Variants in FRYL observed in about 807,000 individuals in gnomAD.
The protein encoded by FRYL is protein furry homolog-like.
In FRYL, 150 loss-of-function variants were observed where a neutral mutation model predicts 351.2. The ratio of observed to expected loss-of-function variants is 0.43; its 90% CI spans 0.37 to 0.49. The LOEUF is 0.49. Ranked by LOEUF, FRYL falls within the 20% of genes least tolerant of loss-of-function variation. The pLI is 0.00. For missense variants in FRYL, 3,036 were observed against 3,619.3 expected, an observed-to-expected ratio of 0.84 and a Z score of 4.13; for synonymous variants, 1,153 against 1,257.1, an observed-to-expected ratio of 0.92 and a Z score of 1.75.
chr4:48,557,100 A>G lies in FRYL; in HGVS notation c.4144T>C (p.Trp1382Arg). 2 of 1,596,698 alleles carry G rather than the reference A, an allele frequency of 1.3e-6. No homozygotes were observed. Among genetic ancestry groups the G allele is most frequent in the Non-Finnish European group, 1.7e-6 (2 of 1,170,378 alleles). ...GTCCACACATTCTCCACCTCCGACC[A>G]GGCCAGTTCATCGCCATACTAGATG... ...MTAKYGDELA[W>R]SEVENVWTTL... Residue 1382 changes from tryptophan (W) to arginine (R), a missense_variant, in exon 35 of 64, where the codon TGG (tryptophan) becomes CGG (arginine). This residue lies in a region of FRYL where 1,987 missense variants were observed against 2,311.7 expected (regional missense o/e 0.86). Transcript: ENST00000358350.
intron 47 of FRYL, among the ~76,000 whole-genome samples, chr4:48,537,006 C>T (rs1176425850): frequency 6.6e-6 from 1 of 152,056 alleles, no homozygotes; most frequent in Non-Finnish European, 1.5e-5. Flanking sequence ...CAGCTGATTT[C>T]ATGCAGTAGT....
chr4:48,711,493 G>C (rs1387134612), intron 1 of FRYL, among the ~76,000 whole-genome samples: 1 of 152,238 alleles, frequency 6.6e-6, no homozygotes, highest in Non-Finnish European at 1.5e-5. Flanking sequence ...AAACTGCAAG[G>C]TGGCAGCGAG....
intron 4 of FRYL, among the ~76,000 whole-genome samples, chr4:48,632,091 AATATATATAT>A (rs1560753223): frequency 0.043 from 998 of 23,298 alleles, 30 homozygotes; most frequent in Admixed American, 0.1. Flanking sequence ...AAAAAAAAAA[AATATATATAT>A]ATATATATAT....
At chr4:48,746,462 G>A (rs1200019639) in intron 1 of FRYL, among the ~76,000 whole-genome samples, 4 of 151,500 alleles carry the variant, frequency 2.6e-5, no homozygotes, top group Admixed American at 6.6e-5. Context: ...GAAGAATGGC[G>A]TGAACCCGGG....
intron 1 of FRYL, among the ~76,000 whole-genome samples, chr4:48,737,150 A>G (rs922900574): frequency 2.0e-5 from 3 of 150,568 alleles, no homozygotes; most frequent in African/African-American, 7.3e-5. Context: ...CACACTACTC[A>G]GGAGGCTGAG....
At chr4:48,548,543 G>A in intron 40 of FRYL, 147 bp downstream of exon 40, 1 of 603,830 alleles carries the variant, frequency 1.7e-6, no homozygotes, top group Non-Finnish European at 3.0e-6. Flanking sequence ...CTCCCCAAGA[G>A]ACCAGAGGAA....
chr4:48,521,421 T>C (rs1286185560), intron 54 of FRYL, among the ~76,000 whole-genome samples: 2 of 152,202 alleles, frequency 1.3e-5, no homozygotes, highest in East Asian at 1.9e-4. Flanking sequence ...TACACATTAA[T>C]ACAGGCTAAA....
intron 60 of FRYL, among the ~76,000 whole-genome samples, chr4:48,503,159 TA>T (rs1013606423): frequency 3.8e-4 from 56 of 146,224 alleles, no homozygotes; most frequent in Admixed American, 5.5e-4. Flanking sequence ...TATCCAGGTT[TA>T]AAAAAAAAAA....
intron 55 of FRYL, among the ~76,000 whole-genome samples, chr4:48,518,099 G>A (rs1306498346): frequency 6.6e-6 from 1 of 152,126 alleles, no homozygotes; most frequent in Non-Finnish European, 1.5e-5. Flanking sequence ...AATATCAGTA[G>A]AACTGTTTCT....
chr4:48,626,911 T>C (rs1391337103), intron 4 of FRYL, among the ~76,000 whole-genome samples: 2 of 152,114 alleles, frequency 1.3e-5, no homozygotes, highest in African/African-American at 2.4e-5. Flanking sequence ...TGAAGCCACA[T>C]TACCTTTACT....
At chr4:48,579,443 G>A (rs1358411122) in intron 22 of FRYL, among the ~76,000 whole-genome samples, 2 of 152,060 alleles carry the variant, frequency 1.3e-5, no homozygotes, top group Non-Finnish European at 2.9e-5. Context: ...TTTTTTTGGA[G>A]AGGGATTCCA....
intron 3 of FRYL, among the ~76,000 whole-genome samples, chr4:48,665,507 G>C (rs1417720337): frequency 6.6e-6 from 1 of 152,122 alleles, no homozygotes; most frequent in East Asian, 1.9e-4. Context: ...AAAGCTCCCA[G>C]TTACTGGATT....
chr4:48,609,622 G>GA (rs5858122), intron 8 of FRYL, 122 bp downstream of exon 8: 269,045 of 364,988 alleles, frequency 0.74, 86,954 homozygotes, highest in African/African-American at 0.9. Context: ...CTTGCCTCAA[G>GA]AAAAAAAAAA....
At chr4:48,771,702 A>C (rs892039281) in intron 1 of FRYL, among the ~76,000 whole-genome samples, 2 of 152,180 alleles carry the variant, frequency 1.3e-5, no homozygotes, top group African/African-American at 4.8e-5. Flanking sequence ...GAGTCCTCTA[A>C]GCAGTAAAAA....
At chr4:48,596,554 A>T (rs1166144142) in intron 13 of FRYL, among the ~76,000 whole-genome samples, 2 of 151,998 alleles carry the variant, frequency 1.3e-5, no homozygotes, top group Non-Finnish European at 2.9e-5. Context: ...GGGCATTGTT[A>T]TATGATTCTG....
In FRYL at chr4:48,710,041, G is replaced by C. The variant is rs148080699; in HGVS notation, c.-204+478C>G. Among the ~76,000 whole-genome samples, 10 of 152,148 alleles carry C rather than the reference G, an allele frequency of 6.6e-5. No homozygotes were observed. The East Asian group carries it at 1.9e-3, about 29-fold the overall frequency. On this transcript the variant is annotated intron_variant, in intron 2 of 63. Transcript: ENST00000358350. ...TCAGAGTTGCCTAGAAAACTTGTTG[G>C]CTAACTGACATCTATGCTTCCAAAA...
At chr4:48,682,099 A>G (rs894502463) in intron 3 of FRYL, among the ~76,000 whole-genome samples, 1 of 152,232 alleles carries the variant, frequency 6.6e-6, no homozygotes, top group Admixed American at 6.5e-5. Context: ...AATCATATCT[A>G]TAACTCTGAA....
chr4:48,570,941 T>C (rs373149958), intron 26 of FRYL, 23 bp from the exon 27 acceptor site: 2 of 1,557,492 alleles, frequency 1.3e-6, no homozygotes, highest in African/African-American at 2.7e-5. Flanking sequence ...TACAAACACA[T>C]TAATTAAAAT....
chr4:48,766,420 C>T (rs1009496532), intron 1 of FRYL, among the ~76,000 whole-genome samples: 1 of 152,152 alleles, frequency 6.6e-6, no homozygotes, highest in African/African-American at 2.4e-5. Flanking sequence ...TGGAGACATG[C>T]TGGTATATTT....
Sources: gnomAD v4.1 joint callset for allele counts (sites outside exome capture counted in the v4.1 genomes callset) on GRCh38, gnomAD v4.1.1 for gene constraint, gnomAD v4.1.1 regional missense constraint, MANE v1.5 for transcripts, NCBI Gene and HGNC (gene_info 2026-07-23, HGNC 2026-07-21) for gene names.